ATXN3: variants seen among roughly 807,000 people sequenced by gnomAD.
ATXN3 encodes ataxin-3.
Under a neutral mutation model 58.2 loss-of-function variants are expected in ATXN3, and 28 were observed. The ratio of observed to expected loss-of-function variants is 0.48; its 90% CI spans 0.36 to 0.66. The LOEUF is 0.66. Among genes scored for constraint, ATXN3 ranks in the 30% least tolerant of loss-of-function variants. The pLI is 0.00. For missense variants in ATXN3, 321 were observed against 422.1 expected, an observed-to-expected ratio of 0.76 and a Z score of 2.10; for synonymous variants, 113 against 138.5, an observed-to-expected ratio of 0.82 and a Z score of 1.29.
intron 2 of ATXN3, chr14:92,096,347 G>T: frequency 7.1e-7 from 1 of 1,414,840 alleles, no homozygotes; most frequent in Non-Finnish European, 9.3e-7. Context: ...AATGTAAGCC[G>T]GGTGTGGTGG....
chr14:92,082,402 C>T lies in ATXN3; in HGVS notation c.673G>A (p.Asp225Asn). The T allele has an allele frequency of 6.2e-7, 1 of 1,614,152 alleles. No individual in the cohort carries two copies. The highest frequency in any genetic ancestry group is 1.1e-5 in the South Asian group (1 of 91,082). ...AGAGCCCTCTGCAAATCCTCCTCAT[C>T]TTCGTCTAACATTCCTGAGCCATCA... ...ANDGSGMLDE[D>N]EEDLQRALAL... The change falls in exon 8 of 11, where the codon GAT becomes AAT. Residue 225 changes from aspartate to asparagine, a missense_variant. Physicochemically the swap from Asp to Asn is conservative, Grantham distance 23 (BLOSUM62 1). Around this residue, in one of 2 missense-constraint regions of ATXN3, gnomAD observed 200 missense variants for 223.2 expected, o/e 0.90. Coordinates refer to ENST00000644486, the MANE Select transcript of ATXN3 (RefSeq NM_004993.6).
chr14:92,102,400 T>C (rs2067043933), intron 1 of ATXN3, among the ~76,000 whole-genome samples: 3 of 152,110 alleles, frequency 2.0e-5, no homozygotes, highest in Admixed American at 2.0e-4. Flanking sequence ...ACAAAGATAA[T>C]GTATAAAATC....
chr14:92,070,993 C>G lies in ATXN3; in HGVS notation c.933G>C (p.Gln311His). ...QQQQQGDLSG[Q>H]SSHPCERPAT... Reference sequence around the variant, plus strand: ...CTGGCCTTTCACATGGATGTGAACTCTGTCCTGATAGGTCCCCCTGCTGCT... The same window carrying G: ...CTGGCCTTTCACATGGATGTGAACTGTGTCCTGATAGGTCCCCCTGCTGCT... The change falls in exon 10 of 11, where the codon CAG becomes CAC. Residue 311 changes from glutamine (Q) to histidine (H), a missense_variant. This residue lies in a region of ATXN3 where 200 missense variants were observed against 223.2 expected (regional missense o/e 0.90). Transcript: ENST00000644486. 6.2e-7 allele frequency: 1 copy of G among 1,614,008 alleles called. No individual in the cohort carries two copies. Among genetic ancestry groups the G allele is most frequent in the Non-Finnish European group, 8.5e-7 (1 of 1,179,996 alleles).
At chr14:92,089,433 G>A (rs988896736) in intron 5 of ATXN3, among the ~76,000 whole-genome samples, 1 of 149,694 alleles carries the variant, frequency 6.7e-6, no homozygotes, top group South Asian at 2.1e-4. Flanking sequence ...CCGCCTCCCG[G>A]GTTCATGCCA....
intron 1 of ATXN3, among the ~76,000 whole-genome samples, chr14:92,106,156 A>T (rs1447071442): frequency 6.6e-6 from 1 of 151,846 alleles, no homozygotes; most frequent in East Asian, 1.9e-4. Context: ...CCCAGAGATG[A>T]CTCTAGCTAG....
intron 2 of ATXN3, 47 bp from the exon 3 acceptor site, chr14:92,096,184 GA>G: frequency 6.2e-7 from 1 of 1,611,630 alleles, no homozygotes; most frequent in Non-Finnish European, 8.5e-7. Flanking sequence ...GGTGGGGAAA[GA>G]AGGATACAAA....
downstream of ATXN3, among the ~76,000 whole-genome samples, chr14:92,057,693 T>C (rs550258458): frequency 1.1e-4 from 17 of 152,270 alleles, no homozygotes; most frequent in African/African-American, 3.1e-4. Flanking sequence ...CTCATAAAAT[T>C]TGAGGACAAT....
chr14:92,057,401 A>C (rs2057481019), downstream of ATXN3, among the ~76,000 whole-genome samples: 1 of 138,432 alleles, frequency 7.2e-6, no homozygotes, highest in South Asian at 2.5e-4. Flanking sequence ...GACACAGCGA[A>C]GCTCTGTCTT....
chr14:92,104,668 G>A (rs2141357525), intron 1 of ATXN3, among the ~76,000 whole-genome samples: 1 of 152,204 alleles, frequency 6.6e-6, no homozygotes, highest in Admixed American at 6.5e-5. Context: ...GCTCACGCCT[G>A]TAATCCCAGC....
chr14:92,096,119 C>A lies in ATXN3; in HGVS notation c.208G>T (p.Asp70Tyr). Residue 70 changes from aspartate (D) to tyrosine (Y), a missense_variant, in exon 3 of 11, where the codon GAT becomes TAT. By Grantham distance (160) the Asp-to-Tyr change is radical (BLOSUM62 -3). Transcript: ENST00000644486. ...TFLQQPSGNM[D>Y]DSGFFSIQVI... ...TGAATAGAGAAAAAACCACTGTCAT[C>A]CATATTTCCAGAAGGCTGCTGTTAA... 6.4e-7 allele frequency: 1 copy of A among 1,562,870 alleles called. No homozygotes were observed. The highest frequency in any genetic ancestry group is 8.7e-7 in the Non-Finnish European group (1 of 1,147,904).
rs1260656138 is a variant in ATXN3 at position 92,062,850 on chromosome 14, C to G, written c.*1470G>C. 3 of 152,588 alleles carry G rather than the reference C, an allele frequency of 2.0e-5. No homozygotes were observed. The highest frequency in any genetic ancestry group is 7.2e-5 in the African/African-American group (3 of 41,420). The allele number at this position is 152,588 out of a possible 1,614,324, so 9.5% of individuals were successfully genotyped here. A position where few individuals can be genotyped will look rare whatever the true frequency, so the allele number is the denominator to read the frequency against. The stretch of plus-strand genomic sequence containing the variant: ...TTCCCTGATAAAATGTGTGCAGCCA[C>G]ACACCAGGAGGGCAATATACCATAT... On this transcript the variant is annotated 3_prime_UTR_variant, in exon 11 of 11. Coordinates refer to ENST00000644486, the MANE Select transcript of ATXN3 (RefSeq NM_004993.6).
Position 92,060,697 on chromosome 14 carries a change from C to T in ATXN3, c.*3623G>A, listed in dbSNP as rs954527835. 13 of 150,518 alleles carry T rather than the reference C, an allele frequency of 8.6e-5. No homozygotes were observed. Among genetic ancestry groups the T allele is most frequent in the African/African-American group, 2.7e-4 (11 of 40,946 alleles). The allele number at this position is 150,518 out of a possible 1,614,324, so 9.3% of individuals were successfully genotyped here. A position where few individuals can be genotyped will look rare whatever the true frequency, so the allele number is the denominator to read the frequency against. The stretch of plus-strand genomic sequence containing the variant: ...TTTTATCTGTACAGGTCCAATGGGC[C>T]GGTTTTAAGAATTTAGTAGCTCTTG... On this transcript the variant is annotated 3_prime_UTR_variant, in exon 11 of 11. Coordinates refer to ENST00000644486, the MANE Select transcript of ATXN3 (RefSeq NM_004993.6).
chr14:92,064,711 C>T (rs2058067876), intron 10 of ATXN3, among the ~76,000 whole-genome samples: 2 of 152,132 alleles, frequency 1.3e-5, no homozygotes, highest in South Asian at 4.1e-4. Flanking sequence ...TTTATCTTTT[C>T]CTGCACGTCA....
intron 1 of ATXN3, among the ~76,000 whole-genome samples, chr14:92,102,153 A>G (rs2066971946): frequency 6.6e-6 from 1 of 151,710 alleles, no homozygotes; most frequent in Non-Finnish European, 1.5e-5. Flanking sequence ...CTCTGAAGAA[A>G]GTTCGTGCCA....
At chr14:92,088,851 A>G (rs773670890) in intron 5 of ATXN3, 34 bp from the exon 6 acceptor site, 3 of 1,260,664 alleles carry the variant, frequency 2.4e-6, no homozygotes, top group East Asian at 2.3e-5. Context: ...AAGTTAGTGT[A>G]TATTATAGGT....
At chr14:92,050,465 C>T (rs1595425698), upstream of ATXN3, 1 of 152,340 alleles carries the variant, frequency 6.6e-6, no homozygotes, top group Non-Finnish European at 1.5e-5. Flanking sequence ...TAACACAACA[C>T]CTCAAACAGA....
At position 92,058,801 on chromosome 14, in the gene ATXN3, A is replaced by G. The variant is rs1047795; in HGVS notation, c.*5519T>C. On this transcript the variant is annotated 3_prime_UTR_variant, in exon 11 of 11. Transcript: ENST00000644486. ...CACAGTGCACTTGTATCATGGCCAA[A>G]CAACAATGCTTTTTGTTTCAGATAT... 0.27 allele frequency: 41,370 copies of G among 152,092 alleles called. 5,858 individuals are homozygous for G. The highest frequency in any genetic ancestry group is 0.36 in the East Asian group (1,850 of 5,172). 9.4% of individuals were successfully genotyped at this position (152,092 alleles called of 1,614,324 possible).
In ATXN3 at chr14:92,083,599, C is replaced by T. The variant is rs55908884; in HGVS notation, c.476-341G>A. 3.1e-4 allele frequency: 121 copies of T among 392,226 alleles called. 1 individual carries two copies. In the East Asian group the frequency reaches 7.3e-3, roughly 24 times the overall value. 24.3% of individuals were successfully genotyped at this position (392,226 alleles called of 1,614,324 possible). ...CTGTTGTCAGAGTGGGTAACAGCAACTGATTTAGAATCAGACTGCCTGCAT... is the reference window on the plus strand; with the variant it reads ...CTGTTGTCAGAGTGGGTAACAGCAATTGATTTAGAATCAGACTGCCTGCAT... On this transcript the variant is annotated intron_variant, in intron 6 of 10. Transcript: ENST00000644486.
At position 92,098,011 on chromosome 14, in the gene ATXN3, A is replaced by C. The variant is rs182522824; in HGVS notation, c.25-1173T>G. On this transcript the variant is annotated intron_variant, in intron 1 of 10. Coordinates refer to ENST00000644486, the MANE Select transcript of ATXN3 (RefSeq NM_004993.6). ...TCATCTATCAAATGCATCAAATCTC[A>C]TATTTTACTAAAAACTACTGTATAA... 3.3e-3 allele frequency among the ~76,000 whole-genome samples: 505 copies of C among 152,294 alleles called. 1 individual carries two copies. Among genetic ancestry groups the C allele is most frequent in the Admixed American group, 5.9e-3 (90 of 15,300 alleles).
Sources: allele counts gnomAD v4.1 joint callset (sites outside exome capture counted in the v4.1 genomes callset), GRCh38; gene constraint gnomAD v4.1.1; regional missense constraint gnomAD v4.1.1; transcripts MANE v1.5; gene names NCBI Gene and HGNC (gene_info 2026-07-23, HGNC 2026-07-21).